Variants in CLEC16A observed in about 807,000 individuals in gnomAD.
CLEC16A encodes the protein protein CLEC16A.
CLEC16A carries 51 observed loss-of-function variants against 109.5 expected under a neutral mutation model. That is an observed-to-expected ratio of 0.47 (90% CI 0.37 to 0.59). CLEC16A has a LOEUF of 0.59. CLEC16A is among the 20% of genes least tolerant of loss of function. The pLI, the probability that CLEC16A is intolerant of heterozygous loss-of-function variation, is 0.00. For synonymous variants in CLEC16A, 673 were observed against 564.2 expected, an observed-to-expected ratio of 1.19 and a Z score of -2.73; for missense variants, 1,339 against 1,394.0, an observed-to-expected ratio of 0.96 and a Z score of 0.63.
intron 18 of CLEC16A, among the ~76,000 whole-genome samples, chr16:11,059,883 G>A (rs533068933): frequency 6.6e-6 from 1 of 152,324 alleles, no homozygotes; most frequent in East Asian, 1.9e-4. Flanking sequence ...GGAATCTGAT[G>A]TAGACCTCAT....
At chr16:11,125,863 T>A (rs12924112) in intron 21 of CLEC16A, 116 bp from the exon 22 acceptor site, 4 of 881,836 alleles carry the variant, frequency 4.5e-6, no homozygotes, top group Non-Finnish European at 7.0e-6. Flanking sequence ...ACTTGGCGTC[T>A]CCCAAGTGAT....
intron 1 of CLEC16A, among the ~76,000 whole-genome samples, chr16:10,947,968 A>T (rs951221967): frequency 6.6e-6 from 1 of 151,680 alleles, no homozygotes; most frequent in Non-Finnish European, 1.5e-5. Context: ...ATCTTGGCTC[A>T]CTGCAAGCTC....
intron 23 of CLEC16A, among the ~76,000 whole-genome samples, chr16:11,170,084 A>G (rs1482455025): frequency 6.6e-6 from 1 of 152,132 alleles, no homozygotes; most frequent in Non-Finnish European, 1.5e-5. Context: ...CCAGCAGAAT[A>G]TCCGATGCGG....
Position 11,094,548 on chromosome 16 carries a change from C to A in CLEC16A, c.2117-26067C>A, listed in dbSNP as rs1366455617. ...TGAAGCATTTACAGGCACCACCTCC[C>A]CCCCTACAACTTTTTCCAGGCCACA... On this transcript the variant is annotated intron_variant, in intron 19 of 23. Transcript: ENST00000409790. Among the ~76,000 whole-genome samples the A allele has an allele frequency of 2.0e-5, 3 of 152,202 alleles. No individual in the cohort carries two copies. The East Asian group carries it at 5.8e-4, about 29-fold the overall frequency.
intron 22 of CLEC16A, among the ~76,000 whole-genome samples, chr16:11,127,295 C>T (rs999389137): frequency 6.6e-6 from 1 of 152,190 alleles, no homozygotes; most frequent in African/African-American, 2.4e-5. Context: ...TTAACTGTTA[C>T]ATGGTATTTT....
intron 1 of CLEC16A, 140 bp downstream of exon 1, chr16:10,944,937 G>A: frequency 3.8e-6 from 3 of 786,294 alleles, no homozygotes; most frequent in Non-Finnish European, 5.9e-6. Flanking sequence ...AAGAGCGAGG[G>A]CTCGGGAGTC....
Position 11,178,237 on chromosome 16 carries a change from G to A in CLEC16A, c.2807-98G>A. On this transcript the variant is annotated intron_variant, in intron 23 of 23. Transcript: ENST00000409790. This position sits in a 1 kb window ranked among gnomAD's most constrained non-coding sequence, Gnocchi z 6.5. ...ACGCCAGCCAGCCACCTCCCACCTA[G>A]CTCACCAGGGCCGCGGTTCAGGATG... 1 of 1,095,930 alleles carries A rather than the reference G, an allele frequency of 9.1e-7. No homozygotes were observed. The highest frequency in any genetic ancestry group is 1.3e-6 in the Non-Finnish European group (1 of 748,120). The allele number at this position is 1,095,930 out of a possible 1,614,324, so 67.9% of individuals were successfully genotyped here. A position where few individuals can be genotyped will look rare whatever the true frequency, so the allele number is the denominator to read the frequency against.
chr16:11,034,926 AGTGT>A (rs373358730), intron 13 of CLEC16A, among the ~76,000 whole-genome samples: 1 of 151,542 alleles, frequency 6.6e-6, no homozygotes, highest in Non-Finnish European at 1.5e-5. Context: ...TGTGTGTATG[AGTGT>A]GTGTGTGTGT....
chr16:10,944,612 C>G lies in CLEC16A; in HGVS notation c.-106C>G. 1.8e-6 allele frequency: 2 copies of G among 1,116,708 alleles called. No individual in the cohort carries two copies. The highest frequency in any genetic ancestry group is 2.6e-5 in the East Asian group (1 of 38,268). The allele number at this position is 1,116,708 out of a possible 1,614,324, so 69.2% of individuals were successfully genotyped here. ...GGAAGGCGGCTCGCGGTTCCTCCAC[C>G]GCCTCCGCCGCCGCATCCTCCGCTT... On this transcript the variant is annotated 5_prime_UTR_variant, in exon 1 of 24. Coordinates refer to ENST00000409790, the MANE Select transcript of CLEC16A (RefSeq NM_015226.3).
intron 20 of CLEC16A, among the ~76,000 whole-genome samples, chr16:11,121,094 T>G (rs1273927301): frequency 6.6e-6 from 1 of 152,216 alleles, no homozygotes; most frequent in Admixed American, 6.5e-5. Context: ...TTTTTAAAAA[T>G]TATATACATA....
In CLEC16A at chr16:11,018,766, T is replaced by A. The variant is rs1194825700; in HGVS notation, c.1304-1427T>A. ...TCCATCTCAAAAAAAAAAAAAAAAA[T>A]GGAGACAAGCTTGGGATGTTCAAGA... On this transcript the variant is annotated intron_variant, in intron 11 of 23. Transcript: ENST00000409790. Among the ~76,000 whole-genome samples, 369 of 93,110 alleles carry A rather than the reference T, an allele frequency of 4.0e-3. 1 individual carries two copies. The Middle Eastern group carries it at 0.052, about 13-fold the overall frequency. The allele number at this position is 93,110 out of a possible 152,430, so 61.1% of individuals were successfully genotyped here.
intron 19 of CLEC16A, among the ~76,000 whole-genome samples, chr16:11,120,082 G>T (rs2052292711): frequency 6.6e-6 from 1 of 152,180 alleles, no homozygotes; most frequent in Non-Finnish European, 1.5e-5. Flanking sequence ...CAATTCTCCT[G>T]CCTCAGCCTC....
intron 19 of CLEC16A, among the ~76,000 whole-genome samples, chr16:11,075,410 GTC>G (rs1490882901): frequency 0.042 from 4,132 of 99,378 alleles, 87 homozygotes; most frequent in African/African-American, 0.082. Context: ...GTGTGTGTGT[GTC>G]TGTGTGTGTG....
chr16:11,144,137 TC>T (rs2053956041), intron 22 of CLEC16A, among the ~76,000 whole-genome samples: 1 of 152,174 alleles, frequency 6.6e-6, no homozygotes, highest in Admixed American at 6.5e-5. Flanking sequence ...GCTGGTCATC[TC>T]CCAAGCTACC....
intron 1 of CLEC16A, among the ~76,000 whole-genome samples, chr16:10,948,060 A>AT (rs1047502998): frequency 3.3e-5 from 5 of 151,846 alleles, no homozygotes; most frequent in Non-Finnish European, 7.4e-5. Context: ...CGCCCAGCTA[A>AT]TTTTTTGTAT....
intron 22 of CLEC16A, among the ~76,000 whole-genome samples, chr16:11,149,500 G>T (rs1318071930): frequency 1.3e-5 from 2 of 151,648 alleles, no homozygotes; most frequent in African/African-American, 4.8e-5. Context: ...GTTGATTTTT[G>T]AAAAAATCAG....
At chr16:11,011,541 C>T (rs1334238559) in intron 11 of CLEC16A, among the ~76,000 whole-genome samples, 6 of 152,100 alleles carry the variant, frequency 3.9e-5, no homozygotes, top group Non-Finnish European at 2.9e-5. Context: ...GTTCTGTGTT[C>T]ATCTAGTACC....
At chr16:11,036,950 C>G (rs2047058090) in intron 13 of CLEC16A, among the ~76,000 whole-genome samples, 1 of 152,170 alleles carries the variant, frequency 6.6e-6, no homozygotes, top group African/African-American at 2.4e-5. Context: ...CTAAAAATTC[C>G]CATTTGTGCA....
At chr16:10,962,637 G>T (rs1266391866) in intron 3 of CLEC16A, 49 bp downstream of exon 3, 1 of 1,595,354 alleles carries the variant, frequency 6.3e-7, no homozygotes, top group South Asian at 1.1e-5. Context: ...GCATGTAGCA[G>T]GGTGAAGTTG....
Sources: allele counts gnomAD v4.1 joint callset (sites outside exome capture counted in the v4.1 genomes callset), GRCh38; gene constraint gnomAD v4.1.1; non-coding constraint Gnocchi (gnomAD v3.1); transcripts MANE v1.5; gene names NCBI Gene and HGNC (gene_info 2026-07-23, HGNC 2026-07-21).